ULK4: variants seen among roughly 807,000 people sequenced by gnomAD.
ULK4 encodes unc-51 like kinase 4.
A neutral mutation model predicts 160.6 loss-of-function variants in ULK4; 133 were observed. The ratio of observed to expected loss-of-function variants is 0.83; its 90% CI spans 0.72 to 0.96. The LOEUF (loss-of-function observed/expected upper bound fraction) is 0.96. ULK4 is among the 40% of genes least tolerant of loss of function. ULK4 has a pLI of 0.00. For synonymous variants in ULK4, 534 were observed against 539.8 expected, an observed-to-expected ratio of 0.99 and a Z score of 0.15; for missense variants, 1,580 against 1,499.5, an observed-to-expected ratio of 1.05 and a Z score of -0.89.
intron 34 of ULK4, among the ~76,000 whole-genome samples, chr3:41,413,837 G>C (rs2082463885): frequency 6.6e-6 from 1 of 152,016 alleles, no homozygotes; most frequent in Non-Finnish European, 1.5e-5. Context: ...CTTTATTTGG[G>C]GTTTCCAGAC....
At chr3:41,598,631 T>C (rs1025115831) in intron 31 of ULK4, among the ~76,000 whole-genome samples, 2 of 152,076 alleles carry the variant, frequency 1.3e-5, no homozygotes, top group Non-Finnish European at 2.9e-5. Flanking sequence ...TATGTGGCTA[T>C]TTTTACGGCC....
chr3:41,406,167 G>C (rs748429529), intron 34 of ULK4, among the ~76,000 whole-genome samples: 2 of 152,208 alleles, frequency 1.3e-5, no homozygotes, highest in Non-Finnish European at 2.9e-5. Flanking sequence ...TAGTGGTCAA[G>C]TTTCATTCTT....
At chr3:41,756,068 AG>A (rs2038791508) in intron 21 of ULK4, among the ~76,000 whole-genome samples, 1 of 152,222 alleles carries the variant, frequency 6.6e-6, no homozygotes, top group Non-Finnish European at 1.5e-5. Flanking sequence ...ATGTGGACAA[AG>A]GATCTATTGC....
intron 2 of ULK4, among the ~76,000 whole-genome samples, chr3:41,948,243 G>C (rs1443570430): frequency 6.6e-6 from 1 of 152,146 alleles, no homozygotes; most frequent in Non-Finnish European, 1.5e-5. Context: ...TTGAGGTCAG[G>C]AGTTTGAGGG....
At chr3:41,425,311 C>T (rs1182505907) in intron 34 of ULK4, among the ~76,000 whole-genome samples, 1 of 152,022 alleles carries the variant, frequency 6.6e-6, no homozygotes, top group Non-Finnish European at 1.5e-5. Context: ...AAAGACCAAA[C>T]CTATAACTGA....
chr3:41,417,451 G>C (rs1006576640), intron 34 of ULK4, among the ~76,000 whole-genome samples: 8 of 152,164 alleles, frequency 5.3e-5, no homozygotes, highest in African/African-American at 1.9e-4. Context: ...TATGGGGTTG[G>C]AGGAGGCTGT....
At chr3:41,323,671 C>T (rs1228086473) in intron 35 of ULK4, among the ~76,000 whole-genome samples, 1 of 151,952 alleles carries the variant, frequency 6.6e-6, no homozygotes, top group Non-Finnish European at 1.5e-5. Flanking sequence ...CTGCCCCCGA[C>T]CCCCCTCCCA....
rs1042824215 is a variant in ULK4 at position 41,686,607 on chromosome 3, C to A, written c.2782-4803G>T. 2.0e-5 allele frequency among the ~76,000 whole-genome samples: 3 copies of A among 152,096 alleles called. No individual in the cohort carries two copies. The East Asian group carries it at 5.8e-4, about 29-fold the overall frequency. On this transcript the variant is annotated intron_variant, in intron 27 of 36. Transcript: ENST00000301831. ...ATACCAGACAAAGATAAGAAAATAA[C>A]TTGAAATTAAAAGAAAAGATTTGCT...
At chr3:41,852,500 G>A (rs749833977) in intron 17 of ULK4, among the ~76,000 whole-genome samples, 4 of 151,858 alleles carry the variant, frequency 2.6e-5, no homozygotes, top group Admixed American at 6.6e-5. Context: ...CTACTGAAAG[G>A]AACAAAAAAT....
At chr3:41,952,288 T>C (rs1158179976) in intron 2 of ULK4, among the ~76,000 whole-genome samples, 1 of 152,198 alleles carries the variant, frequency 6.6e-6, no homozygotes, top group East Asian at 1.9e-4. Flanking sequence ...GAAAATATAT[T>C]TGCATATCAT....
chr3:41,376,862 T>G (rs572508317), intron 35 of ULK4, among the ~76,000 whole-genome samples: 10 of 149,906 alleles, frequency 6.7e-5, no homozygotes, highest in Admixed American at 4.6e-4. Context: ...TTCACAGAAT[T>G]GGAAAAAACT....
intron 17 of ULK4, among the ~76,000 whole-genome samples, chr3:41,855,067 C>T (rs1437476844): frequency 6.6e-6 from 1 of 151,876 alleles, no homozygotes. Context: ...ATCTACCCAC[C>T]AAGCAACTGC....
intron 12 of ULK4, among the ~76,000 whole-genome samples, chr3:41,904,449 A>AATAGATAGATAGATAG (rs143944576): frequency 1.3e-5 from 2 of 151,866 alleles, no homozygotes; most frequent in African/African-American, 4.8e-5. Context: ...TAAATAAATA[A>AATAGATAGATAGATAG]ATAGATAGAT....
At chr3:41,808,466 T>C (rs949198323) in intron 19 of ULK4, among the ~76,000 whole-genome samples, 3 of 152,176 alleles carry the variant, frequency 2.0e-5, no homozygotes, top group Non-Finnish European at 4.4e-5. Flanking sequence ...GTGACTCTAG[T>C]CCATCTTCAA....
chr3:41,954,883 G>A, intron 1 of ULK4, 76 bp from the exon 2 acceptor site: 3 of 946,906 alleles, frequency 3.2e-6, no homozygotes, highest in South Asian at 2.0e-5. Flanking sequence ...AATTAGCCTA[G>A]GATATTATAT....
At position 41,745,227 on chromosome 3, in the gene ULK4, T is replaced by C. The variant is rs142628147; in HGVS notation, c.2321+9134A>G. Among the ~76,000 whole-genome samples the C allele has an allele frequency of 2.1e-3, 321 of 150,396 alleles. 1 individual carries two copies. The highest frequency in any genetic ancestry group is 3.6e-3 in the Non-Finnish European group (242 of 67,524). On this transcript the variant is annotated intron_variant, in intron 22 of 36. Transcript: ENST00000301831. ...AGGGAATGGACTGAAAACAGAAAAA[T>C]GATAGAGAAAACAAAAAGCTGGTCA...
At chr3:41,900,408 G>C (rs1219706252) in intron 13 of ULK4, among the ~76,000 whole-genome samples, 1 of 152,132 alleles carries the variant, frequency 6.6e-6, no homozygotes, top group South Asian at 2.1e-4. Context: ...AAAGGACTGA[G>C]AGCTAAGGTC....
chr3:41,653,655 C>T (rs2034829403), intron 30 of ULK4, among the ~76,000 whole-genome samples: 1 of 152,074 alleles, frequency 6.6e-6, no homozygotes, highest in Non-Finnish European at 1.5e-5. Context: ...GAAAAGTGTC[C>T]AGAAGTAAGT....
intron 21 of ULK4, among the ~76,000 whole-genome samples, chr3:41,773,401 A>C (rs1217567723): frequency 6.6e-6 from 1 of 152,226 alleles, no homozygotes; most frequent in Non-Finnish European, 1.5e-5. Context: ...ACGTGCAAAA[A>C]TCACAGGCAT....
Sources: gnomAD v4.1 joint callset for allele counts (sites outside exome capture counted in the v4.1 genomes callset) on GRCh38, gnomAD v4.1.1 for gene constraint, MANE v1.5 for transcripts, NCBI Gene and HGNC (gene_info 2026-07-23, HGNC 2026-07-21) for gene names.